ROBO2: variants seen among roughly 807,000 people sequenced by gnomAD.
ROBO2 encodes the protein roundabout guidance receptor 2.
Under a neutral mutation model 160.8 loss-of-function variants are expected in ROBO2, and 53 were observed. The observed-to-expected ratio is 0.33, with a 90% CI of 0.26 to 0.41. The LOEUF (loss-of-function observed/expected upper bound fraction) is 0.41, where lower values mean the gene tolerates loss of function less well. ROBO2 is among the 10% of genes least tolerant of loss of function. The pLI is 1.00. For missense variants in ROBO2, 1,577 were observed against 1,722.4 expected (o/e 0.92, Z 1.49); for synonymous variants, 664 against 611.7 (o/e 1.09, Z -1.26).
chr3:77,519,885 A>G (rs1024528826), intron 5 of ROBO2, among the ~76,000 whole-genome samples: 2 of 151,440 alleles, frequency 1.3e-5, no homozygotes, highest in Non-Finnish European at 3.0e-5. Context: ...GAACTAATTT[A>G]TGTTCTCACC....
At chr3:76,269,897 CT>C (rs1169456651) in intron 2 of ROBO2, among the ~76,000 whole-genome samples, 2 of 151,920 alleles carry the variant, frequency 1.3e-5, no homozygotes, top group African/African-American at 4.8e-5. Flanking sequence ...TGGATCTTTG[CT>C]TTTCTATTTA....
chr3:77,208,360 A>G (rs1259279161), intron 2 of ROBO2, among the ~76,000 whole-genome samples: 1 of 152,236 alleles, frequency 6.6e-6, no homozygotes. Flanking sequence ...TGTTACATAG[A>G]TACATCATAA....
chr3:77,517,310 T>G (rs1397172348), intron 5 of ROBO2, among the ~76,000 whole-genome samples: 1 of 151,446 alleles, frequency 6.6e-6, no homozygotes, highest in East Asian at 2.0e-4. Flanking sequence ...ATTCCAAGAA[T>G]TTGCAAAAGT....
At chr3:77,335,909 A>C (rs1480682458) in intron 2 of ROBO2, among the ~76,000 whole-genome samples, 1 of 152,184 alleles carries the variant, frequency 6.6e-6, no homozygotes. Context: ...ATGATGTCCT[A>C]ATGGTTTGAT....
At chr3:76,749,814 G>T (rs190950968) in intron 2 of ROBO2, among the ~76,000 whole-genome samples, 1 of 151,610 alleles carries the variant, frequency 6.6e-6, no homozygotes, top group East Asian at 2.0e-4. Context: ...GGTTTAAGAT[G>T]GCACAACCCT....
At position 76,883,616 on chromosome 3, in the gene ROBO2, G is replaced by A. The variant is rs114132167; in HGVS notation, c.110-214398G>A. Among the ~76,000 whole-genome samples the A allele has an allele frequency of 2.8e-3, 432 of 152,264 alleles. 1 individual carries two copies. Among genetic ancestry groups the A allele is most frequent in the Non-Finnish European group, 4.4e-3 (299 of 68,012 alleles). On this transcript the variant is annotated intron_variant, in intron 2 of 26. Coordinates refer to the ROBO2 transcript ENST00000487694. ...CTGTAGAAGACAGTAAATGGAAGAA[G>A]TCTTGTATTGTGATTTATTTCATGC...
chr3:77,466,644 A>G (rs1217919117), intron 2 of ROBO2, among the ~76,000 whole-genome samples: 1 of 152,180 alleles, frequency 6.6e-6, no homozygotes, highest in East Asian at 1.9e-4. Context: ...TTTCGGGTAG[A>G]GGGGAAAGAA....
chr3:76,391,884 C>A (rs139534681), intron 2 of ROBO2, among the ~76,000 whole-genome samples: 17 of 152,166 alleles, frequency 1.1e-4, no homozygotes, highest in African/African-American at 4.1e-4. Flanking sequence ...AAAATCAATG[C>A]CTCCTTGAAA....
intron 14 of ROBO2, among the ~76,000 whole-genome samples, chr3:77,575,420 G>A (rs1345522914): frequency 6.6e-6 from 1 of 151,958 alleles, no homozygotes. Context: ...TATTAATTTT[G>A]TGCTCACAAC....
chr3:77,252,831 A>AAAATATATATATATATATATATAT, intron 2 of ROBO2, among the ~76,000 whole-genome samples: 3 of 12,514 alleles, frequency 2.4e-4, no homozygotes, highest in Non-Finnish European at 6.4e-4. Flanking sequence ...AAAAAAAAAA[A>AAAATATATATATATATATATATAT]ATATATATAT....
chr3:77,013,834 C>T (rs903925584), intron 2 of ROBO2, among the ~76,000 whole-genome samples: 1 of 152,190 alleles, frequency 6.6e-6, no homozygotes. Context: ...TATCAGTTAA[C>T]GTGCATTTAG....
At chr3:75,963,892 A>G (rs1949012935) in intron 2 of ROBO2, among the ~76,000 whole-genome samples, 2 of 151,762 alleles carry the variant, frequency 1.3e-5, no homozygotes, top group African/African-American at 4.8e-5. Context: ...TTTTATATGG[A>G]CATCATTTTT....
rs553139077 is a variant in ROBO2, at chr3:76,834,765, G to A, written c.110-263249G>A. 3.3e-5 allele frequency among the ~76,000 whole-genome samples: 5 copies of A among 152,256 alleles called. No homozygotes were observed. In the South Asian group the frequency reaches 1.0e-3, roughly 32 times the overall value. On this transcript the variant is annotated intron_variant, in intron 2 of 26. Transcript: ENST00000487694. ...GATTCTCTTAAGTTCTGGGATTACA[G>A]AATTTAAGGAGTAAATAGCTATAGC...
intron 2 of ROBO2, among the ~76,000 whole-genome samples, chr3:76,895,054 G>C (rs970154407): frequency 2.0e-5 from 3 of 151,942 alleles, no homozygotes; most frequent in Non-Finnish European, 4.4e-5. Context: ...TTTTAACTTT[G>C]AATTGAGATA....
chr3:76,771,243 TG>T (rs1294266502), intron 2 of ROBO2, among the ~76,000 whole-genome samples: 1 of 151,280 alleles, frequency 6.6e-6, no homozygotes, highest in Non-Finnish European at 1.5e-5. Context: ...ATGCCACCGA[TG>T]ATCTTCTTAC....
intron 2 of ROBO2, among the ~76,000 whole-genome samples, chr3:76,206,958 T>C (rs1702845944): frequency 6.6e-6 from 1 of 152,168 alleles, no homozygotes; most frequent in African/African-American, 2.4e-5. Context: ...GAAAAGATTA[T>C]GCATTTTTTT....
intron 2 of ROBO2, among the ~76,000 whole-genome samples, chr3:77,112,945 G>T (rs2073814236): frequency 6.6e-6 from 1 of 152,118 alleles, no homozygotes; most frequent in South Asian, 2.1e-4. Flanking sequence ...AATGAAACAA[G>T]GTAACAAGAC....
chr3:76,005,910 C>G (rs2066009003), intron 2 of ROBO2, among the ~76,000 whole-genome samples: 1 of 151,976 alleles, frequency 6.6e-6, no homozygotes, highest in Non-Finnish European at 1.5e-5. Context: ...TTTTACATAA[C>G]CTAGGGAGAT....
chr3:75,917,093 C>T (rs1486121236), intron 1 of ROBO2, among the ~76,000 whole-genome samples: 2 of 152,228 alleles, frequency 1.3e-5, no homozygotes, highest in African/African-American at 4.8e-5. Flanking sequence ...CATAGGTATA[C>T]ATGTACCATG....
Sources: gnomAD v4.1 joint callset for allele counts (sites outside exome capture counted in the v4.1 genomes callset) on GRCh38, gnomAD v4.1.1 for gene constraint, MANE v1.5 for transcripts, NCBI Gene and HGNC (gene_info 2026-07-23, HGNC 2026-07-21) for gene names.